KCTD1: variants seen among roughly 807,000 people sequenced by gnomAD.
KCTD1 encodes the protein BTB/POZ domain-containing protein KCTD1.
Under a neutral mutation model 66.0 loss-of-function variants are expected in KCTD1, and 24 were observed. That is an observed-to-expected ratio of 0.36 (90% CI 0.26 to 0.51). The LOEUF (loss-of-function observed/expected upper bound fraction) is 0.51, where lower values mean the gene tolerates loss of function less well. KCTD1 is among the 20% of genes least tolerant of loss of function. The pLI, the probability that KCTD1 is intolerant of heterozygous loss-of-function variation, is 0.95. For synonymous variants in KCTD1, 511 were observed against 517.2 expected (o/e 0.99, Z 0.16); for missense variants, 943 against 1,205.2 (o/e 0.78, Z 3.22).
intron 1 of KCTD1, among the ~76,000 whole-genome samples, chr18:26,628,923 G>A (rs1485342743): frequency 6.6e-6 from 1 of 152,210 alleles, no homozygotes; most frequent in African/African-American, 2.4e-5. Flanking sequence ...CATAACTGCT[G>A]GAGAGTTTCC....
intron 1 of KCTD1, among the ~76,000 whole-genome samples, chr18:26,609,014 C>A (rs1000417304): frequency 2.0e-5 from 3 of 152,162 alleles, no homozygotes; most frequent in Non-Finnish European, 4.4e-5. Context: ...GAAACAAAGA[C>A]AAGAGATTAG....
chr18:26,527,492 AGG>A (rs147266086), intron 1 of KCTD1, among the ~76,000 whole-genome samples: 51 of 109,504 alleles, frequency 4.7e-4, no homozygotes, highest in South Asian at 2.3e-3. Flanking sequence ...CAAAAAAAAA[AGG>A]GGGGGGGGCG....
chr18:26,505,238 T>A (rs3889619), intron 1 of KCTD1, among the ~76,000 whole-genome samples: 59,860 of 152,202 alleles, frequency 0.39, 13,058 homozygotes, highest in Non-Finnish European at 0.5. Flanking sequence ...TCGTTCATCA[T>A]CGTCCTCAAC....
upstream of KCTD1, chr18:26,549,746 C>T (rs190309947): frequency 1.2e-5 from 12 of 985,450 alleles, no homozygotes; most frequent in East Asian, 1.3e-3. Context: ...TTGCCAACCG[C>T]CATTCGTTCG....
At chr18:26,606,432 A>G (rs896771061) in intron 1 of KCTD1, among the ~76,000 whole-genome samples, 2 of 152,206 alleles carry the variant, frequency 1.3e-5, no homozygotes, top group Non-Finnish European at 2.9e-5. Context: ...TACACTTTGT[A>G]GCTCCTTCCA....
chr18:26,600,496 G>T (rs1008026577), intron 1 of KCTD1, among the ~76,000 whole-genome samples: 1 of 151,982 alleles, frequency 6.6e-6, no homozygotes, highest in South Asian at 2.1e-4. Context: ...TGGCTGGGGG[G>T]GGTGCAGTGG....
At chr18:26,517,661 A>G (rs1983722015) in intron 1 of KCTD1, among the ~76,000 whole-genome samples, 1 of 149,456 alleles carries the variant, frequency 6.7e-6, no homozygotes, top group African/African-American at 2.4e-5. Flanking sequence ...CCGTCTCCAA[A>G]AAAAAAAAAA....
intron 1 of KCTD1, among the ~76,000 whole-genome samples, chr18:26,648,994 C>T (rs1987978941): frequency 2.0e-5 from 3 of 152,210 alleles, no homozygotes; most frequent in African/African-American, 7.2e-5. Context: ...TACAACAACC[C>T]TCTGAGGTGG....
rs559789631 is a variant in KCTD1, at chr18:26,468,436, T to C, written c.2133+8079A>G. Among the ~76,000 whole-genome samples the C allele has an allele frequency of 6.6e-6, 1 of 152,326 alleles. No individual in the cohort carries two copies. The highest frequency in any genetic ancestry group is 1.5e-5 in the Non-Finnish European group (1 of 68,022). ...AGGATCTTGTGACTTCAGGATTGAA[T>C]GCACTTGTTCACCCAGTATTAAATG... On this transcript the variant is annotated intron_variant, in intron 3 of 4. Transcript: ENST00000580059. This position sits in a 1 kb window ranked among gnomAD's most constrained non-coding sequence, Gnocchi z 4.8.
chr18:26,573,147 A>T (rs1475213950), intron 1 of KCTD1, among the ~76,000 whole-genome samples: 1 of 152,152 alleles, frequency 6.6e-6, no homozygotes, highest in African/African-American at 2.4e-5. Context: ...ATTCATAGAT[A>T]ATATAATCTA....
intron 1 of KCTD1, among the ~76,000 whole-genome samples, chr18:26,553,967 A>G (rs140485964): frequency 1.3e-5 from 2 of 152,136 alleles, no homozygotes; most frequent in Non-Finnish European, 2.9e-5. Flanking sequence ...GAAGAGAGAA[A>G]GAGAGACAGA....
chr18:26,531,977 A>G (rs1557321), intron 1 of KCTD1, among the ~76,000 whole-genome samples: 75,015 of 151,952 alleles, frequency 0.49, 18,598 homozygotes, highest in East Asian at 0.6. Flanking sequence ...AGAATGGGGG[A>G]GAAAGGCCTG....
intron 2 of KCTD1, among the ~76,000 whole-genome samples, chr18:26,482,510 G>C (rs1321770356): frequency 6.6e-6 from 1 of 151,616 alleles, no homozygotes; most frequent in African/African-American, 2.4e-5. Flanking sequence ...TATGTGCTGT[G>C]TCCCTACACT....
At chr18:26,489,105 T>C (rs959614939) in intron 2 of KCTD1, among the ~76,000 whole-genome samples, 3 of 152,148 alleles carry the variant, frequency 2.0e-5, no homozygotes, top group Admixed American at 6.5e-5. Context: ...ACGGAAAGCA[T>C]TCTGCACCAA....
At chr18:26,483,816 C>T (rs1251771697) in intron 2 of KCTD1, among the ~76,000 whole-genome samples, 1 of 146,918 alleles carries the variant, frequency 6.8e-6, no homozygotes, top group East Asian at 1.9e-4. Flanking sequence ...GCAACCTAAA[C>T]TCAGGACAGC....
intron 1 of KCTD1, among the ~76,000 whole-genome samples, chr18:26,537,684 C>G (rs1984773024): frequency 6.6e-6 from 1 of 152,142 alleles, no homozygotes; most frequent in Non-Finnish European, 1.5e-5. Flanking sequence ...CAGGCTCTAG[C>G]CAAATATAGA....
At chr18:26,643,798 T>C (rs542264200), upstream of KCTD1, among the ~76,000 whole-genome samples, 18 of 152,224 alleles carry the variant, frequency 1.2e-4, no homozygotes, top group South Asian at 6.2e-4. Flanking sequence ...CTGTCTCTAC[T>C]AAAAATACAA....
At chr18:26,571,745 G>A (rs1986111770) in intron 1 of KCTD1, among the ~76,000 whole-genome samples, 1 of 152,050 alleles carries the variant, frequency 6.6e-6, no homozygotes, top group Non-Finnish European at 1.5e-5. Flanking sequence ...CATAAATATG[G>A]TATGGTGACC....
intron 1 of KCTD1, among the ~76,000 whole-genome samples, chr18:26,579,779 T>G (rs1986311016): frequency 6.6e-6 from 1 of 152,284 alleles, no homozygotes; most frequent in East Asian, 1.9e-4. Context: ...TTAAAAAGCT[T>G]GTTTTTGACT....
Sources: gnomAD v4.1 joint callset for allele counts (sites outside exome capture counted in the v4.1 genomes callset) on GRCh38, gnomAD v4.1.1 for gene constraint, Gnocchi (gnomAD v3.1) non-coding constraint, MANE v1.5 for transcripts, NCBI Gene and HGNC (gene_info 2026-07-23, HGNC 2026-07-21) for gene names.